The following UPRT variants were observed in gnomAD, a reference collection of about 807,000 sequenced individuals.
UPRT encodes RP11-311P8.3.
UPRT carries 5 observed loss-of-function variants against 22.6 expected under a neutral mutation model. That is an observed-to-expected ratio of 0.22 (90% CI 0.12 to 0.47). UPRT has a LOEUF of 0.47. Among genes scored for constraint, UPRT ranks in the 20% least tolerant of loss-of-function variants. The probability of loss-of-function intolerance (pLI) is 0.99; values close to 1 mark genes in which losing one functional copy is unlikely to be tolerated. For synonymous variants in UPRT, 77 were observed against 87.7 expected (o/e 0.88, Z 0.68); for missense variants, 181 against 239.9 (o/e 0.75, Z 1.62).
chrX:75,198,830 A>C (rs2082340020), intron 4 of UPRT, among the ~76,000 whole-genome samples: 1 of 111,618 alleles, frequency 9.0e-6, no homozygotes, highest in African/African-American at 3.3e-5. Context: ...ATCCCCCAGC[A>C]GCAGCTCTGT....
At chrX:75,231,972 C>T (rs1348757484) in intron 4 of UPRT, among the ~76,000 whole-genome samples, 1 of 112,153 alleles carries the variant, frequency 8.9e-6, no homozygotes, top group Admixed American at 9.4e-5. Context: ...TGGTCTACAG[C>T]TACCAGCATG....
intron 3 of UPRT, among the ~76,000 whole-genome samples, chrX:75,167,312 T>A (rs1274502173): frequency 4.5e-5 from 5 of 112,092 alleles, no homozygotes. Flanking sequence ...TACAAGCACA[T>A]TTATATATTC....
intron 4 of UPRT, among the ~76,000 whole-genome samples, chrX:75,256,101 C>A (rs2147665883): frequency 9.0e-6 from 1 of 111,553 alleles, no homozygotes; most frequent in South Asian, 3.7e-4. Flanking sequence ...CCAAGATAGA[C>A]CATATGATAA....
At chrX:75,195,165 G>A (rs1354630334) in intron 4 of UPRT, among the ~76,000 whole-genome samples, 4 of 112,454 alleles carry the variant, frequency 3.6e-5, no homozygotes, top group African/African-American at 1.3e-4. Flanking sequence ...TGATGGCATG[G>A]GTGGGCTGGT....
chrX:75,208,040 G>T (rs1429985853), intron 4 of UPRT, among the ~76,000 whole-genome samples: 1 of 111,611 alleles, frequency 9.0e-6, no homozygotes, highest in African/African-American at 3.3e-5. Context: ...TCAGCAAGTT[G>T]AAGTTGGAAA....
intron 3 of UPRT, among the ~76,000 whole-genome samples, chrX:75,297,119 A>C (rs2147703045): frequency 9.0e-6 from 1 of 111,709 alleles, no homozygotes; most frequent in Admixed American, 9.5e-5. Flanking sequence ...GGAATGAGGA[A>C]GCTTTCTGCT....
intron 4 of UPRT, among the ~76,000 whole-genome samples, chrX:75,190,270 G>A (rs898037538): frequency 1.8e-5 from 2 of 111,713 alleles, no homozygotes; most frequent in Admixed American, 9.5e-5. Context: ...ATTCTGGGTT[G>A]AAAATTCTTT....
intron 1 of UPRT, among the ~76,000 whole-genome samples, chrX:75,287,729 G>T (rs774546305): frequency 5.4e-5 from 6 of 111,041 alleles, no homozygotes; most frequent in Non-Finnish European, 1.1e-4. Context: ...AAGTTAAAAA[G>T]ATCTCATTAA....
chrX:75,159,650 A>C (rs1259601452), intron 1 of UPRT, among the ~76,000 whole-genome samples: 1 of 111,844 alleles, frequency 8.9e-6, no homozygotes, highest in African/African-American at 3.3e-5. Flanking sequence ...CTTATTTTCC[A>C]TGTACTTTTA....
chrX:75,241,039 A>C (rs1318713474), intron 4 of UPRT, among the ~76,000 whole-genome samples: 1 of 111,128 alleles, frequency 9.0e-6, no homozygotes, highest in Non-Finnish European at 1.9e-5. Flanking sequence ...ATGACCAAGA[A>C]CCCAAAAGCA....
upstream of UPRT, among the ~76,000 whole-genome samples, chrX:75,273,671 G>A (rs1251999368): frequency 8.9e-6 from 1 of 112,078 alleles, no homozygotes; most frequent in Non-Finnish European, 1.9e-5. Context: ...TTCTAGAACA[G>A]TCTAGTAGAG....
At chrX:75,291,305 A>G (rs2082706389) in intron 1 of UPRT, 1 of 275,076 alleles carries the variant, frequency 3.6e-6, no homozygotes, top group African/African-American at 2.8e-5. Flanking sequence ...GGATGTGTGC[A>G]TGTGTGTTTT....
chrX:75,204,898 G>A (rs981818375), intron 4 of UPRT, among the ~76,000 whole-genome samples: 5 of 110,902 alleles, frequency 4.5e-5, no homozygotes, highest in Non-Finnish European at 9.4e-5. Flanking sequence ...GAGGTTGTGG[G>A]TGGGGACTTA....
Position 75,223,726 on chromosome X carries a change from G to C in UPRT, c.-447+55847G>C, listed in dbSNP as rs765034589. Among the ~76,000 whole-genome samples, 4 of 111,498 alleles carry C rather than the reference G, an allele frequency of 3.6e-5. No individual in the cohort carries two copies. The Admixed American group carries it at 3.8e-4, about 11-fold the overall frequency. ...GTGGTCACTGCTGGGGGATGGAGGC[G>C]GGGTGGTGTCAGCAATTCAAGACTG... On this transcript the variant is annotated intron_variant, in intron 4 of 13. Coordinates refer to the UPRT transcript ENST00000652605.
intron 4 of UPRT, among the ~76,000 whole-genome samples, chrX:75,199,489 G>T (rs5981800): frequency 0.029 from 3,180 of 110,986 alleles, 116 homozygotes; most frequent in African/African-American, 0.1. Flanking sequence ...TGACTAAAGA[G>T]CCCTTGGTCA....
intron 4 of UPRT, among the ~76,000 whole-genome samples, chrX:75,246,317 A>C (rs1266356473): frequency 2.2e-5 from 2 of 90,519 alleles, no homozygotes; most frequent in Non-Finnish European, 4.1e-5. Flanking sequence ...ATGTGTTCTC[A>C]TTGTTCAATT....
At chrX:75,256,640 A>G (rs143996139) in intron 4 of UPRT, among the ~76,000 whole-genome samples, 1 of 112,101 alleles carries the variant, frequency 8.9e-6, no homozygotes, top group African/African-American at 3.2e-5. Context: ...GCCAAGAAAA[A>G]AAAAGAGAAA....
intron 3 of UPRT, 52 bp from the exon 4 acceptor site, chrX:75,297,439 G>A: frequency 8.7e-7 from 1 of 1,149,516 alleles, no homozygotes; most frequent in African/African-American, 1.8e-5. Context: ...TATAAAATAT[G>A]TAGGTTACTC....
intron 4 of UPRT, among the ~76,000 whole-genome samples, chrX:75,251,776 C>A (rs903588449): frequency 4.5e-5 from 5 of 110,752 alleles, no homozygotes; most frequent in African/African-American, 6.6e-5. Context: ...CCAAAAGAAC[C>A]AAGCTGGAGG....
Sources: allele counts gnomAD v4.1 joint callset (sites outside exome capture counted in the v4.1 genomes callset), GRCh38; gene constraint gnomAD v4.1.1; transcripts MANE v1.5; gene names NCBI Gene and HGNC (gene_info 2026-07-23, HGNC 2026-07-21).